CDH4: variants seen among roughly 807,000 people sequenced by gnomAD.
The protein encoded by CDH4 is cadherin-4.
CDH4 carries 33 observed loss-of-function variants against 86.0 expected under a neutral mutation model. The observed-to-expected ratio is 0.38, with a 90% CI of 0.29 to 0.51. CDH4 has a LOEUF of 0.51. CDH4 is among the 20% of genes least tolerant of loss of function. The pLI is 0.86. For synonymous variants in CDH4, 555 were observed against 549.4 expected (o/e 1.01, Z -0.14); for missense variants, 1,114 against 1,307.4 (o/e 0.85, Z 2.28).
chr20:61,537,645 G>A (rs541714940), intron 2 of CDH4, among the ~76,000 whole-genome samples: 166 of 152,296 alleles, frequency 1.1e-3, no homozygotes, highest in Admixed American at 2.0e-3. Context: ...GGACAGGCAC[G>A]CACTGCCCTC....
chr20:61,327,573 G>A lies in CDH4; in HGVS notation c.169+72636G>A, dbSNP rs115809641. On this transcript the variant is annotated intron_variant, in intron 2 of 15. Coordinates refer to ENST00000614565, the MANE Select transcript of CDH4 (RefSeq NM_001794.5). ...CTCCTGTTTGACCTGTCAGATTGGC[G>A]AAGATTAGAAAGTGGGTGCTCAGGG... Among the ~76,000 whole-genome samples, 1,409 of 152,280 alleles carry A rather than the reference G, an allele frequency of 9.3e-3. 15 individuals carry two copies. The highest frequency in any genetic ancestry group is 0.032 in the African/African-American group (1,328 of 41,558).
At chr20:61,425,877 C>T (rs1032576610) in intron 2 of CDH4, among the ~76,000 whole-genome samples, 1 of 152,020 alleles carries the variant, frequency 6.6e-6, no homozygotes, top group African/African-American at 2.4e-5. Flanking sequence ...GCAGAATGGC[C>T]AATTGCAGGA....
rs571941301 is a variant in CDH4, at chr20:61,414,524, G to A, written c.169+159587G>A. Among the ~76,000 whole-genome samples, 18 of 152,304 alleles carry A rather than the reference G, an allele frequency of 1.2e-4. No homozygotes were observed. In the East Asian group the frequency reaches 2.7e-3, roughly 23 times the overall value. ...TACAAATGCTTGCCGACCAGCTCCC[G>A]GCAAAGCTGACTCCTGGCATTATCA... On this transcript the variant is annotated intron_variant, in intron 2 of 15. Coordinates refer to ENST00000614565, the MANE Select transcript of CDH4 (RefSeq NM_001794.5).
chr20:61,670,857 T>C (rs1382408001), intron 2 of CDH4, among the ~76,000 whole-genome samples: 1 of 151,898 alleles, frequency 6.6e-6, no homozygotes, highest in African/African-American at 2.4e-5. Context: ...GAGTGAGGGG[T>C]TCCAAACAGG....
At chr20:61,302,865 C>T (rs1330196559) in intron 2 of CDH4, among the ~76,000 whole-genome samples, 1 of 152,110 alleles carries the variant, frequency 6.6e-6, no homozygotes, top group Admixed American at 6.5e-5. Flanking sequence ...AGGTCCCTTC[C>T]AAAAGGGAGG....
At chr20:61,538,699 C>T (rs1299706749) in intron 2 of CDH4, among the ~76,000 whole-genome samples, 1 of 152,196 alleles carries the variant, frequency 6.6e-6, no homozygotes, top group Non-Finnish European at 1.5e-5. Flanking sequence ...GTGGATGGGA[C>T]ACTTGCTCCC....
At chr20:61,459,128 G>A (rs1374133327) in intron 2 of CDH4, among the ~76,000 whole-genome samples, 5 of 152,178 alleles carry the variant, frequency 3.3e-5, no homozygotes, top group Non-Finnish European at 5.9e-5. Flanking sequence ...CCCCAGCATG[G>A]TCTCTGCCTT....
chr20:61,671,947 G>A (rs1347908772), intron 2 of CDH4, among the ~76,000 whole-genome samples: 1 of 151,028 alleles, frequency 6.6e-6, no homozygotes, highest in African/African-American at 2.4e-5. Context: ...GATAGATGGT[G>A]GATGGATGTA....
At chr20:61,585,930 A>G (rs1568698532) in intron 2 of CDH4, among the ~76,000 whole-genome samples, 1 of 147,614 alleles carries the variant, frequency 6.8e-6, no homozygotes, top group African/African-American at 2.5e-5. Context: ...GATGATGGTG[A>G]TGGTGATGAG....
chr20:61,801,168 G>A (rs917374422), intron 4 of CDH4, among the ~76,000 whole-genome samples: 1 of 152,180 alleles, frequency 6.6e-6, no homozygotes, highest in Non-Finnish European at 1.5e-5. Context: ...GAGGGCTTGG[G>A]GACAAAAGGC....
At chr20:61,495,544 CTG>C (rs1280713337) in intron 2 of CDH4, among the ~76,000 whole-genome samples, 1 of 152,196 alleles carries the variant, frequency 6.6e-6, no homozygotes, top group African/African-American at 2.4e-5. Context: ...ACTTAAGAAA[CTG>C]AGACTGCAGC....
chr20:61,774,823 C>T (rs1290471358), intron 4 of CDH4, among the ~76,000 whole-genome samples: 3 of 152,164 alleles, frequency 2.0e-5, no homozygotes, highest in East Asian at 1.9e-4. Flanking sequence ...ATGGCTTCCA[C>T]CTCCATCCAT....
At chr20:61,786,277 T>G (rs1019009294) in intron 4 of CDH4, among the ~76,000 whole-genome samples, 1 of 152,132 alleles carries the variant, frequency 6.6e-6, no homozygotes, top group Non-Finnish European at 1.5e-5. Flanking sequence ...GCTACACATG[T>G]GCACCACCCC....
Position 61,303,918 on chromosome 20 carries a change from G to T in CDH4, c.169+48981G>T, listed in dbSNP as rs988144333. ...CCTGTTTTGTTTACTTAGGCAACAC[G>T]TGCACCTCCTCTTAAATAATAGAGG... On this transcript the variant is annotated intron_variant, in intron 2 of 15. Coordinates refer to ENST00000614565, the MANE Select transcript of CDH4 (RefSeq NM_001794.5). 5.4e-4 allele frequency among the ~76,000 whole-genome samples: 82 copies of T among 152,174 alleles called. 1 individual carries two copies. The highest frequency in any genetic ancestry group is 1.5e-4 in the Non-Finnish European group (10 of 68,038).
At chr20:61,788,069 G>C (rs1374105187) in intron 4 of CDH4, among the ~76,000 whole-genome samples, 2 of 152,210 alleles carry the variant, frequency 1.3e-5, no homozygotes, top group African/African-American at 2.4e-5. Context: ...ACCAGGCAGA[G>C]CAGGAGTAAA....
chr20:61,406,548 C>A (rs1286630843), intron 2 of CDH4, among the ~76,000 whole-genome samples: 2 of 148,702 alleles, frequency 1.3e-5, no homozygotes, highest in African/African-American at 2.5e-5. Context: ...CTGCCCGGAC[C>A]ACCATCTGCC....
At chr20:61,567,983 A>T (rs2086312937) in intron 2 of CDH4, among the ~76,000 whole-genome samples, 1 of 152,214 alleles carries the variant, frequency 6.6e-6, no homozygotes, top group African/African-American at 2.4e-5. Context: ...TAATAAAAAG[A>T]AAAGAAAATA....
intron 2 of CDH4, among the ~76,000 whole-genome samples, chr20:61,299,982 C>T (rs557282893): frequency 6.6e-6 from 1 of 152,242 alleles, no homozygotes; most frequent in African/African-American, 2.4e-5. Context: ...AGGTTTGGGG[C>T]TGGATCTCAC....
chr20:61,312,292 TGTCA>T (rs2084450677), intron 2 of CDH4, among the ~76,000 whole-genome samples: 1 of 151,320 alleles, frequency 6.6e-6, no homozygotes, highest in Non-Finnish European at 1.5e-5. Flanking sequence ...TGTATGCATA[TGTCA>T]GTGTGTGTAT....
Sources: gnomAD v4.1 joint callset for allele counts (sites outside exome capture counted in the v4.1 genomes callset) on GRCh38, gnomAD v4.1.1 for gene constraint, MANE v1.5 for transcripts, NCBI Gene and HGNC (gene_info 2026-07-23, HGNC 2026-07-21) for gene names.